CMTM7: variants seen among roughly 807,000 people sequenced by gnomAD.
CMTM7 encodes the protein CKLF-like MARVEL transmembrane domain-containing protein 7.
In CMTM7, 7 loss-of-function variants were observed where a neutral mutation model predicts 19.3. The ratio of observed to expected loss-of-function variants is 0.36; its 90% CI spans 0.21 to 0.68. The LOEUF (loss-of-function observed/expected upper bound fraction) is 0.68, where lower values mean the gene tolerates loss of function less well. Among genes scored for constraint, CMTM7 ranks in the 30% least tolerant of loss-of-function variants. The probability of loss-of-function intolerance (pLI) is 0.60; values close to 1 mark genes in which losing one functional copy is unlikely to be tolerated. For synonymous variants in CMTM7, 87 were observed against 99.3 expected (o/e 0.88, Z 0.74); for missense variants, 193 against 232.6 (o/e 0.83, Z 1.11).
At chr3:32,396,645 G>T (rs1695923295) in intron 1 of CMTM7, among the ~76,000 whole-genome samples, 1 of 152,188 alleles carries the variant, frequency 6.6e-6, no homozygotes, top group Admixed American at 6.5e-5. Context: ...GTGGATGAGT[G>T]TGAGGGGGCA....
At chr3:32,400,399 C>CTTTTTTTTT in intron 1 of CMTM7, among the ~76,000 whole-genome samples, 1 of 116,572 alleles carries the variant, frequency 8.6e-6, no homozygotes, top group East Asian at 2.4e-4. Context: ...TCTTCTTCTT[C>CTTTTTTTTT]TTTTTTTTTT....
chr3:32,415,536 C>A (rs1696247670), intron 1 of CMTM7, among the ~76,000 whole-genome samples: 1 of 152,232 alleles, frequency 6.6e-6, no homozygotes, highest in Admixed American at 6.5e-5. Flanking sequence ...CTGCTGGATT[C>A]CTACTCCTCA....
chr3:32,397,008 A>G (rs905194673), intron 1 of CMTM7, among the ~76,000 whole-genome samples: 3 of 152,240 alleles, frequency 2.0e-5, no homozygotes, highest in African/African-American at 7.2e-5. Context: ...CTTGCCCTCA[A>G]GTAATCTGTG....
At chr3:32,450,613 C>A (rs1378572319) in intron 3 of CMTM7, among the ~76,000 whole-genome samples, 1 of 152,194 alleles carries the variant, frequency 6.6e-6, no homozygotes, top group Admixed American at 6.5e-5. Context: ...CTCCACATGG[C>A]CCTCCCACAG....
intron 1 of CMTM7, among the ~76,000 whole-genome samples, chr3:32,415,732 T>C (rs932829238): frequency 2.0e-5 from 3 of 152,240 alleles, no homozygotes; most frequent in African/African-American, 7.2e-5. Flanking sequence ...TTTAATCTTT[T>C]CTCCAGAAGT....
intron 1 of CMTM7, among the ~76,000 whole-genome samples, chr3:32,392,991 C>T (rs968573211): frequency 1.6e-4 from 25 of 152,156 alleles, no homozygotes; most frequent in African/African-American, 5.8e-4. Flanking sequence ...TGAGTCTCCA[C>T]CATTGTAATG....
intron 1 of CMTM7, among the ~76,000 whole-genome samples, chr3:32,425,234 A>G (rs899162809): frequency 2.6e-5 from 4 of 152,214 alleles, no homozygotes; most frequent in African/African-American, 2.4e-5. Context: ...ATTTATGAAA[A>G]TAATTATCAT....
At chr3:32,441,062 C>T (rs1696668774) in intron 1 of CMTM7, among the ~76,000 whole-genome samples, 1 of 152,194 alleles carries the variant, frequency 6.6e-6, no homozygotes, top group Non-Finnish European at 1.5e-5. Context: ...GCAGCCTCAC[C>T]TCTTAAACAG....
At chr3:32,442,072 A>G in intron 2 of CMTM7, 59 bp downstream of exon 2, 1 of 1,497,046 alleles carries the variant, frequency 6.7e-7, no homozygotes, top group Non-Finnish European at 9.2e-7. Context: ...TAGCTAGAGT[A>G]CTGAGACCTG....
chr3:32,435,340 C>A (rs898948649), intron 1 of CMTM7, among the ~76,000 whole-genome samples: 1 of 152,162 alleles, frequency 6.6e-6, no homozygotes, highest in Non-Finnish European at 1.5e-5. Flanking sequence ...GCAGGCAGAG[C>A]TTGCAGTGAG....
chr3:32,429,831 C>G (rs347154), intron 1 of CMTM7, among the ~76,000 whole-genome samples: 92,833 of 151,824 alleles, frequency 0.61, 28,786 homozygotes, highest in Non-Finnish European at 0.66. Flanking sequence ...GATCTCCTGA[C>G]CTTGTGATCC....
intron 1 of CMTM7, among the ~76,000 whole-genome samples, chr3:32,405,859 A>C (rs1282754259): frequency 6.6e-6 from 1 of 152,256 alleles, no homozygotes; most frequent in Non-Finnish European, 1.5e-5. Flanking sequence ...GAGCAAGTCC[A>C]AAGCAAAATC....
chr3:32,393,816 T>C (rs952204662), intron 1 of CMTM7, among the ~76,000 whole-genome samples: 1 of 149,594 alleles, frequency 6.7e-6, no homozygotes, highest in African/African-American at 2.5e-5. Context: ...GTAATGGAGA[T>C]GAGAAGCCTT....
At chr3:32,430,906 C>T (rs1696508902) in intron 1 of CMTM7, among the ~76,000 whole-genome samples, 2 of 152,144 alleles carry the variant, frequency 1.3e-5, no homozygotes, top group African/African-American at 4.8e-5. Flanking sequence ...AAGAACATCG[C>T]CTAGCACAAT....
intron 1 of CMTM7, among the ~76,000 whole-genome samples, chr3:32,417,239 C>T (rs961054484): frequency 4.6e-5 from 7 of 152,214 alleles, no homozygotes; most frequent in African/African-American, 1.4e-4. Context: ...ATCCTTTCCC[C>T]ACCTTGTAAC....
At chr3:32,429,730 AGCTGGGACTACAGGC>A (rs2125634371) in intron 1 of CMTM7, among the ~76,000 whole-genome samples, 1 of 151,456 alleles carries the variant, frequency 6.6e-6, no homozygotes, top group Admixed American at 6.6e-5. Flanking sequence ...CCTCCCGAGT[AGCTGGGACTACAGGC>A]GCCCGCCACC....
At chr3:32,450,850 A>G (rs1373403987) in intron 3 of CMTM7, among the ~76,000 whole-genome samples, 1 of 152,190 alleles carries the variant, frequency 6.6e-6, no homozygotes, top group Non-Finnish European at 1.5e-5. Flanking sequence ...GCTAACATTC[A>G]TCATATGCTG....
Position 32,449,466 on chromosome 3 carries a change from T to C in CMTM7, c.346T>C (p.Tyr116His). 1 of 1,613,972 alleles carries C rather than the reference T, an allele frequency of 6.2e-7. No homozygotes were observed. The highest frequency in any genetic ancestry group is 2.2e-5 in the East Asian group (1 of 44,886). ...ISWPLSELLH[Y>H]LIGTLLLLIA... ...TTTCTGCCCCCAGGAACTTCTGCAC[T>C]ATTTAATCGGTACCCTGCTCCTCCT... Residue 116 changes from tyrosine (Y) to histidine (H), a missense_variant, in exon 3 of 5, where the codon TAT (tyrosine) becomes CAT (histidine). By Grantham distance (83) the Tyr-to-His change is moderately conservative. Coordinates refer to ENST00000334983, the MANE Select transcript of CMTM7 (RefSeq NM_138410.4). This position sits in a 1 kb window ranked among gnomAD's most constrained non-coding sequence, Gnocchi z 4.5.
At chr3:32,452,059 G>C in intron 3 of CMTM7, 1 of 1,354,634 alleles carries the variant, frequency 7.4e-7, no homozygotes, top group Non-Finnish European at 9.7e-7. Flanking sequence ...CTTCTCTTTT[G>C]GTCCAGGATA....
Sources: gnomAD v4.1 joint callset for allele counts (sites outside exome capture counted in the v4.1 genomes callset) on GRCh38, gnomAD v4.1.1 for gene constraint, Gnocchi (gnomAD v3.1) non-coding constraint, MANE v1.5 for transcripts, NCBI Gene and HGNC (gene_info 2026-07-23, HGNC 2026-07-21) for gene names.